The following PDE4D variants were observed in gnomAD, a reference collection of about 807,000 sequenced individuals.
PDE4D encodes the protein 3',5'-cyclic-AMP phosphodiesterase 4D.
In PDE4D, 24 loss-of-function variants were observed where a neutral mutation model predicts 87.4. The observed-to-expected ratio is 0.27, with a 90% CI of 0.20 to 0.39. The LOEUF (loss-of-function observed/expected upper bound fraction) is 0.39, where lower values mean the gene tolerates loss of function less well. Among genes scored for constraint, PDE4D ranks in the 10% least tolerant of loss-of-function variants. The probability of loss-of-function intolerance (pLI) is 1.00; values close to 1 mark genes in which losing one functional copy is unlikely to be tolerated. For synonymous variants in PDE4D, 384 were observed against 383.2 expected (o/e 1.00, Z -0.02); for missense variants, 714 against 1,041.0 (o/e 0.69, Z 4.32).
At chr5:59,373,230 C>A (rs1185507168) in intron 1 of PDE4D, among the ~76,000 whole-genome samples, 2 of 152,058 alleles carry the variant, frequency 1.3e-5, no homozygotes, top group East Asian at 3.9e-4. Context: ...GAATGAAGAT[C>A]ATTGAAGTAC....
At chr5:59,586,633 G>C (rs531716636) in intron 1 of PDE4D, 1 of 1,203,978 alleles carries the variant, frequency 8.3e-7, no homozygotes, top group East Asian at 3.7e-5. Context: ...GGTTCCACTA[G>C]TTAGTCAACA....
At chr5:60,393,317 G>T (rs1312565408) in intron 1 of PDE4D, among the ~76,000 whole-genome samples, 2 of 152,128 alleles carry the variant, frequency 1.3e-5, no homozygotes, top group East Asian at 3.9e-4. Flanking sequence ...AGAGGAGAAA[G>T]GCTTTTCTAA....
chr5:59,334,454 C>T (rs1159599860), intron 1 of PDE4D, among the ~76,000 whole-genome samples: 2 of 151,742 alleles, frequency 1.3e-5, no homozygotes, highest in Non-Finnish European at 2.9e-5. Context: ...GATGGGGTTT[C>T]ACCACCTTGG....
intron 1 of PDE4D, among the ~76,000 whole-genome samples, chr5:60,342,528 C>T (rs1332578392): frequency 3.9e-5 from 6 of 152,018 alleles, no homozygotes; most frequent in African/African-American, 7.2e-5. Flanking sequence ...CAATAACTGA[C>T]GTGGAGGAAA....
intron 5 of PDE4D, among the ~76,000 whole-genome samples, chr5:59,149,749 C>G (rs1033164061): frequency 7.0e-5 from 8 of 115,006 alleles, no homozygotes; most frequent in African/African-American, 2.0e-4. Context: ...AGATTTGGTA[C>G]CAAGAGTGAC....
chr5:60,303,501 G>A, intron 1 of PDE4D, among the ~76,000 whole-genome samples: 1 of 151,566 alleles, frequency 6.6e-6, no homozygotes, highest in African/African-American at 2.4e-5. Context: ...TAGAGACGGG[G>A]TTTCACCGTG....
At chr5:59,031,402 A>G (rs1344153010) in intron 6 of PDE4D, among the ~76,000 whole-genome samples, 2 of 99,908 alleles carry the variant, frequency 2.0e-5, no homozygotes, top group Non-Finnish European at 4.2e-5. Context: ...TTATATATAT[A>G]TATATATATA....
intron 1 of PDE4D, among the ~76,000 whole-genome samples, chr5:60,512,881 G>A (rs1487966740): frequency 1.3e-5 from 2 of 152,130 alleles, no homozygotes; most frequent in Admixed American, 1.3e-4. Flanking sequence ...AATAGATATT[G>A]ACTGTCTTTG....
chr5:59,932,866 C>G (rs911857900), intron 3 of PDE4D, among the ~76,000 whole-genome samples: 1 of 152,194 alleles, frequency 6.6e-6, no homozygotes, highest in Admixed American at 6.5e-5. Context: ...TAGAAAATTT[C>G]TGTGCAATTT....
At chr5:59,994,750 G>C (rs2152834800) in intron 2 of PDE4D, among the ~76,000 whole-genome samples, 1 of 152,286 alleles carries the variant, frequency 6.6e-6, no homozygotes, top group East Asian at 1.9e-4. Flanking sequence ...ACGAGCCACA[G>C]ATAATCTTCT....
chr5:60,097,465 T>C (rs528946914), intron 2 of PDE4D, among the ~76,000 whole-genome samples: 2 of 152,196 alleles, frequency 1.3e-5, no homozygotes, highest in South Asian at 2.1e-4. Context: ...ACTGTTTTTC[T>C]GAACTTATTC....
intron 1 of PDE4D, among the ~76,000 whole-genome samples, chr5:59,411,589 T>C (rs1792690880): frequency 6.6e-6 from 1 of 152,220 alleles, no homozygotes; most frequent in South Asian, 2.1e-4. Context: ...TGTGTTTACA[T>C]GGTTGTCTCT....
chr5:59,793,645 T>C (rs1766078680), intron 1 of PDE4D, among the ~76,000 whole-genome samples: 1 of 152,218 alleles, frequency 6.6e-6, no homozygotes. Context: ...AAGAATGGTT[T>C]TAGAAATGTT....
At chr5:59,066,608 AT>A in intron 5 of PDE4D, among the ~76,000 whole-genome samples, 1 of 152,218 alleles carries the variant, frequency 6.6e-6, no homozygotes, top group East Asian at 1.9e-4. Context: ...CCATGGAAAG[AT>A]TTTTATTTAT....
intron 1 of PDE4D, among the ~76,000 whole-genome samples, chr5:60,209,570 T>C (rs557691456): frequency 6.6e-5 from 10 of 152,196 alleles, no homozygotes; most frequent in South Asian, 2.1e-4. Flanking sequence ...CATTATCTTA[T>C]GGCAATTTTT....
chr5:59,424,778 T>C (rs1465667385), intron 1 of PDE4D, among the ~76,000 whole-genome samples: 3 of 152,134 alleles, frequency 2.0e-5, no homozygotes, highest in Non-Finnish European at 2.9e-5. Context: ...AACCATATCA[T>C]TTGCTATTAG....
At chr5:60,124,652 C>A (rs1778975668) in intron 2 of PDE4D, among the ~76,000 whole-genome samples, 2 of 152,092 alleles carry the variant, frequency 1.3e-5, no homozygotes, top group African/African-American at 4.8e-5. Flanking sequence ...AGCAACCTGC[C>A]ATAATATGTC....
At chr5:60,089,970 A>T (rs1178681214) in intron 2 of PDE4D, among the ~76,000 whole-genome samples, 1 of 152,034 alleles carries the variant, frequency 6.6e-6, no homozygotes, top group East Asian at 1.9e-4. Context: ...GATTGAACCC[A>T]TGAAAAAAGA....
intron 1 of PDE4D, among the ~76,000 whole-genome samples, chr5:59,494,843 T>A (rs772144387): frequency 1.3e-5 from 2 of 152,166 alleles, no homozygotes; most frequent in Non-Finnish European, 2.9e-5. Context: ...GACTACAAGC[T>A]GAGCCCAAAC....
Sources: allele counts gnomAD v4.1 joint callset (sites outside exome capture counted in the v4.1 genomes callset), GRCh38; gene constraint gnomAD v4.1.1; transcripts MANE v1.5; gene names NCBI Gene and HGNC (gene_info 2026-07-23, HGNC 2026-07-21).